The following SLC25A26 variants were observed in gnomAD, a reference collection of about 807,000 sequenced individuals.
The protein encoded by SLC25A26 is mitochondrial S-adenosylmethionine carrier protein.
Under a neutral mutation model 37.8 loss-of-function variants are expected in SLC25A26, and 36 were observed. The ratio of observed to expected loss-of-function variants is 0.95; its 90% confidence interval spans 0.73 to 1.26. SLC25A26 has a LOEUF of 1.26. SLC25A26 is among the 50% of genes most tolerant of loss of function. SLC25A26 has a pLI of 0.00. For synonymous variants in SLC25A26, 129 were observed against 122.5 expected (o/e 1.05, Z -0.35); for missense variants, 390 against 331.1 (o/e 1.18, Z -1.38).
Position 66,327,248 on chromosome 3 carries a change from CAAAG to C in SLC25A26, c.454-19111_454-19108del, listed in dbSNP as rs1166596709. 3.9e-5 allele frequency among the ~76,000 whole-genome samples: 6 copies of C among 152,142 alleles called. No individual in the cohort carries two copies. In the East Asian group the frequency reaches 7.7e-4, roughly 20 times the overall value. ...TCATAAATTGTAAAGTATTTTAAGT[CAAAG>C]AAAGGCCGTTAATATTCTCCCTCCC... On this transcript the variant is annotated intron_variant, in intron 5 of 9. Coordinates refer to ENST00000354883, the MANE Select transcript of SLC25A26 (RefSeq NM_001379210.1).
At chr3:66,234,711 G>A (rs2072192071) in intron 1 of SLC25A26, among the ~76,000 whole-genome samples, 1 of 152,184 alleles carries the variant, frequency 6.6e-6, no homozygotes, top group Non-Finnish European at 1.5e-5. Context: ...AAAGCAGATA[G>A]TATTTGCTAG....
At chr3:66,238,114 C>T (rs1041410817) in intron 2 of SLC25A26, among the ~76,000 whole-genome samples, 4 of 152,144 alleles carry the variant, frequency 2.6e-5, no homozygotes, top group Admixed American at 1.3e-4. Context: ...GTTTTAAGTA[C>T]GTGAGAGGGG....
chr3:66,218,327 A>G (rs1473759864), upstream of SLC25A26, among the ~76,000 whole-genome samples: 3 of 152,240 alleles, frequency 2.0e-5, no homozygotes, highest in South Asian at 2.1e-4. Context: ...ATAAATGTTT[A>G]GTTCTCTCGG....
intron 1 of SLC25A26, among the ~76,000 whole-genome samples, chr3:66,169,091 A>G (rs1298006985): frequency 1.3e-5 from 2 of 152,170 alleles, no homozygotes; most frequent in Non-Finnish European, 2.9e-5. Flanking sequence ...CATTACTGCT[A>G]TCCATCCTGG....
intron 1 of SLC25A26, among the ~76,000 whole-genome samples, chr3:66,159,404 G>T (rs1049839726): frequency 6.6e-6 from 1 of 152,144 alleles, no homozygotes; most frequent in African/African-American, 2.4e-5. Flanking sequence ...TTACAGACTG[G>T]AAGAAAATAG....
intron 5 of SLC25A26, among the ~76,000 whole-genome samples, chr3:66,337,822 A>G (rs1444255903): frequency 1.3e-5 from 2 of 152,080 alleles, no homozygotes; most frequent in African/African-American, 4.8e-5. Context: ...TGCAAAAGCT[A>G]TCAATATTCT....
chr3:66,140,512 A>G (rs1434391588), intron 1 of SLC25A26, among the ~76,000 whole-genome samples: 3 of 152,192 alleles, frequency 2.0e-5, no homozygotes, highest in African/African-American at 7.2e-5. Context: ...TTCAGAAAGG[A>G]TCATTCACTA....
chr3:66,313,345 C>A (rs2075437421), intron 5 of SLC25A26, among the ~76,000 whole-genome samples: 1 of 152,102 alleles, frequency 6.6e-6, no homozygotes, highest in Non-Finnish European at 1.5e-5. Flanking sequence ...TATGGCTTGC[C>A]AGTTCTCCCA....
chr3:66,212,159 T>C (rs915133436), intron 1 of SLC25A26, among the ~76,000 whole-genome samples: 5 of 152,322 alleles, frequency 3.3e-5, no homozygotes, highest in Middle Eastern at 3.4e-3. Context: ...TTGTCCAGGC[T>C]GGAGTGCACT....
At chr3:66,326,013 A>G (rs1413822764) in intron 5 of SLC25A26, among the ~76,000 whole-genome samples, 5 of 152,204 alleles carry the variant, frequency 3.3e-5, no homozygotes, top group Non-Finnish European at 7.3e-5. Context: ...TTGAAGAAAT[A>G]TTTAGGAGAT....
intron 1 of SLC25A26, among the ~76,000 whole-genome samples, chr3:66,226,014 C>G (rs1399803656): frequency 1.3e-5 from 2 of 152,202 alleles, no homozygotes; most frequent in Non-Finnish European, 2.9e-5. Flanking sequence ...TCAAACTGTT[C>G]CAACCCCTGC....
intron 6 of SLC25A26, among the ~76,000 whole-genome samples, chr3:66,355,617 C>G (rs78106407): frequency 0.012 from 1,835 of 152,304 alleles, 40 homozygotes; most frequent in African/African-American, 0.042. Flanking sequence ...TCAGAACTTG[C>G]TATCAGAAAT....
intron 5 of SLC25A26, among the ~76,000 whole-genome samples, chr3:66,303,339 G>T (rs2075128708): frequency 6.6e-6 from 1 of 152,166 alleles, no homozygotes; most frequent in African/African-American, 2.4e-5. Flanking sequence ...AGACTTCTGG[G>T]AACAGCTAAC....
intron 1 of SLC25A26, among the ~76,000 whole-genome samples, chr3:66,177,916 T>C (rs1384767317): frequency 6.6e-6 from 1 of 152,190 alleles, no homozygotes; most frequent in African/African-American, 2.4e-5. Flanking sequence ...TTATTCTACA[T>C]ACAGAAAAGA....
In SLC25A26 at chr3:66,209,898, T is replaced by TTTTATATATATATATA. The variant is rs1553656263; in HGVS notation, c.-353-10843_-353-10842insTTATATATATATATAT. On this transcript the variant is annotated intron_variant, in intron 1 of 10. Transcript: ENST00000676754. ...TATACTCCTCTCTCTCTCTCTCTAT[T>TTTTATATATATATATA]TATATATATATATATATATATATAT... Among the ~76,000 whole-genome samples the TTTTATATATATATATA allele has an allele frequency of 1.4e-3, 55 of 38,612 alleles. 2 individuals carry two copies. The highest frequency in any genetic ancestry group is 2.4e-3 in the Non-Finnish European group (47 of 19,906). 25.3% of individuals were successfully genotyped at this position (38,612 alleles called of 152,430 possible).
At chr3:66,146,921 C>T (rs2070123169) in intron 1 of SLC25A26, among the ~76,000 whole-genome samples, 1 of 152,054 alleles carries the variant, frequency 6.6e-6, no homozygotes, top group South Asian at 2.1e-4. Context: ...TGAGAACATA[C>T]AGTATTTGGT....
chr3:66,239,816 C>CTTTT (rs536690709), intron 2 of SLC25A26, among the ~76,000 whole-genome samples: 68 of 110,064 alleles, frequency 6.2e-4, no homozygotes, highest in East Asian at 1.4e-3. Flanking sequence ...TCCTTTCTTT[C>CTTTT]TTTTTTTTTT....
intron 1 of SLC25A26, among the ~76,000 whole-genome samples, chr3:66,222,851 T>C (rs1457668740): frequency 6.6e-6 from 1 of 152,194 alleles, no homozygotes; most frequent in Non-Finnish European, 1.5e-5. Context: ...AAAGAATGGA[T>C]TTAGTATATA....
intron 6 of SLC25A26, among the ~76,000 whole-genome samples, chr3:66,350,641 G>A (rs558287620): frequency 2.8e-4 from 42 of 152,160 alleles, no homozygotes; most frequent in Middle Eastern, 3.4e-3. Context: ...TGGCATTCAA[G>A]TTTCTCAACA....
Sources: gnomAD v4.1 joint callset for allele counts (sites outside exome capture counted in the v4.1 genomes callset) on GRCh38, gnomAD v4.1.1 for gene constraint, MANE v1.5 for transcripts, NCBI Gene and HGNC (gene_info 2026-07-23, HGNC 2026-07-21) for gene names.